PPP1R13B: variants seen among roughly 807,000 people sequenced by gnomAD.
PPP1R13B encodes apoptosis-stimulating of p53 protein 1.
PPP1R13B carries 44 observed loss-of-function variants against 119.8 expected under a neutral mutation model. The observed-to-expected ratio is 0.37, with a 90% CI of 0.29 to 0.47. The LOEUF (loss-of-function observed/expected upper bound fraction) is 0.47. PPP1R13B is among the 20% of genes least tolerant of loss of function. PPP1R13B has a pLI of 0.99. For missense variants in PPP1R13B, 1,227 were observed against 1,413.5 expected (o/e 0.87, Z 2.12); for synonymous variants, 542 against 561.5 (o/e 0.97, Z 0.49).
chr14:103,740,559 G>A lies in PPP1R13B; in HGVS notation c.1857C>T (p.Thr619=). 6.5e-7 allele frequency: 1 copy of A among 1,547,124 alleles called. No homozygotes were observed. The change falls in exon 12 of 17, where the codon ACC becomes ACT. Residue 619 remains threonine, a synonymous_variant. Coordinates refer to ENST00000202556, the MANE Select transcript of PPP1R13B (RefSeq NM_015316.3). The surrounding 1 kb of genome is among the most constrained non-coding windows in gnomAD (Gnocchi z 4.6). ...YGKPVLPSGS[T]SPSPLPFLHG... The stretch of plus-strand genomic sequence containing the variant: ...GAAGAAACGGCAGCGGCGATGGAGA[G>A]GTTGAACCCGAAGGTAAAACGGGCT...
chr14:103,767,079 T>C (rs1254778370), intron 4 of PPP1R13B, among the ~76,000 whole-genome samples: 1 of 152,104 alleles, frequency 6.6e-6, no homozygotes, highest in Non-Finnish European at 1.5e-5. Context: ...CCCGAAGGGC[T>C]TTGGAGTGGA....
At chr14:103,848,736 C>T (rs993393246), upstream of PPP1R13B, among the ~76,000 whole-genome samples, 1 of 152,180 alleles carries the variant, frequency 6.6e-6, no homozygotes, top group African/African-American at 2.4e-5. Context: ...AGGGAGGAGG[C>T]CAGGGAGCTC....
intron 8 of PPP1R13B, 91 bp from the exon 9 acceptor site, chr14:103,746,644 G>T: frequency 8.5e-7 from 1 of 1,182,870 alleles, no homozygotes; most frequent in Non-Finnish European, 1.1e-6. Context: ...CGGACAGAAA[G>T]CACTCACTCA....
Position 103,740,464 on chromosome 14 carries a change from T to G in PPP1R13B, c.1952A>C (p.Gln651Pro). ...PSESTEKEPE[Q>P]DGPAAPADGS... is the part of the protein sequence containing the mutation. The stretch of plus-strand genomic sequence containing the variant: ...ATCTGCGGGGGCGGCGGGGCCATCC[T>G]GCTCAGGCTCTTTCTCAGTACTTTC... The change falls in exon 12 of 17, where the codon CAG (glutamine) becomes CCG (proline). Residue 651 changes from glutamine to proline, a missense_variant. Gln to Pro is a moderately conservative substitution (Grantham distance 76). Coordinates refer to ENST00000202556, the MANE Select transcript of PPP1R13B (RefSeq NM_015316.3). This position sits in a 1 kb window ranked among gnomAD's most constrained non-coding sequence, Gnocchi z 4.6. 6.2e-7 allele frequency: 1 copy of G among 1,609,244 alleles called. No individual in the cohort carries two copies. Among genetic ancestry groups the G allele is most frequent in the Non-Finnish European group, 8.5e-7 (1 of 1,176,740 alleles).
intron 1 of PPP1R13B, among the ~76,000 whole-genome samples, chr14:103,798,152 C>CTGT: frequency 7.7e-6 from 1 of 129,178 alleles, no homozygotes; most frequent in African/African-American, 2.9e-5. Flanking sequence ...ATAATAATCT[C>CTGT]TTTTTTTTTT....
intron 4 of PPP1R13B, among the ~76,000 whole-genome samples, chr14:103,758,444 G>A (rs2084728361): frequency 6.6e-6 from 1 of 152,162 alleles, no homozygotes; most frequent in Non-Finnish European, 1.5e-5. Flanking sequence ...ACAAGCACAG[G>A]GCAGTCAGCT....
intron 4 of PPP1R13B, 104 bp downstream of exon 4, chr14:103,778,639 CAT>C (rs1417454123): frequency 2.4e-6 from 2 of 848,318 alleles, no homozygotes; most frequent in African/African-American, 3.4e-5. Flanking sequence ...CTCCTGCCCT[CAT>C]GTGATCCTCC....
intron 1 of PPP1R13B, among the ~76,000 whole-genome samples, chr14:103,801,020 C>A (rs2085888112): frequency 6.6e-6 from 1 of 151,970 alleles, no homozygotes; most frequent in Non-Finnish European, 1.5e-5. Flanking sequence ...CCAGCTAATT[C>A]TGTATTTTTA....
chr14:103,769,520 G>A (rs561070990), intron 4 of PPP1R13B, among the ~76,000 whole-genome samples: 6 of 152,126 alleles, frequency 3.9e-5, no homozygotes, highest in Non-Finnish European at 7.3e-5. Context: ...GATCACAGGC[G>A]TGAGCCACAA....
intron 1 of PPP1R13B, among the ~76,000 whole-genome samples, chr14:103,819,012 G>A (rs1461142371): frequency 6.6e-6 from 1 of 152,178 alleles, no homozygotes; most frequent in African/African-American, 2.4e-5. Context: ...GGGAACAAAA[G>A]CCTCACTGAA....
At chr14:103,751,740 C>A (rs2084553735) in intron 7 of PPP1R13B, among the ~76,000 whole-genome samples, 1 of 152,174 alleles carries the variant, frequency 6.6e-6, no homozygotes, top group Non-Finnish European at 1.5e-5. Flanking sequence ...AGGGAGTGAA[C>A]ATTCACTGGA....
chr14:103,778,257 ATCT>A (rs1260317403), intron 4 of PPP1R13B, among the ~76,000 whole-genome samples: 24 of 132,446 alleles, frequency 1.8e-4, no homozygotes, highest in African/African-American at 7.0e-4. Context: ...GCCTGGCCAC[ATCT>A]GACTTTTTTT....
chr14:103,757,844 G>A, intron 4 of PPP1R13B, 93 bp from the exon 5 acceptor site: 12 of 1,036,434 alleles, frequency 1.2e-5, no homozygotes, highest in Non-Finnish European at 1.8e-5. Context: ...ACTTTAGATA[G>A]GATCCCTAGT....
Position 103,736,145 on chromosome 14 carries a change from T to C in PPP1R13B, c.3089A>G (p.Tyr1030Cys), listed in dbSNP as rs199765894. 7.8e-5 allele frequency: 126 copies of C among 1,614,180 alleles called. No homozygotes were observed. The highest frequency in any genetic ancestry group is 8.9e-5 in the Non-Finnish European group (105 of 1,180,026). The change falls in exon 16 of 17, where the codon TAC becomes TGC. Residue 1030 changes from tyrosine to cysteine, a missense_variant. Coordinates refer to ENST00000202556, the MANE Select transcript of PPP1R13B (RefSeq NM_015316.3). Reference protein sequence around the residue: ...NKGVAYALWDYEAQNSDELSF... With the variant: ...NKGVAYALWDCEAQNSDELSF... ...CAGCTCGTCACTGTTCTGGGCCTCG[T>C]AGTCCCACAGAGCATACGCCACACC...
At chr14:103,846,659 C>T (rs951422380) in intron 1 of PPP1R13B, 3 of 446,072 alleles carry the variant, frequency 6.7e-6, no homozygotes, top group African/African-American at 4.0e-5. Flanking sequence ...AATCTAATGG[C>T]CAATGTCTTT....
At chr14:103,735,331 C>G in intron 16 of PPP1R13B, 136 bp from the exon 17 acceptor site, 1 of 796,644 alleles carries the variant, frequency 1.3e-6, no homozygotes, top group Admixed American at 1.9e-5. Context: ...CTACGCTCAG[C>G]TGCACCTCTA....
rs562550325 is a variant in PPP1R13B, at chr14:103,839,490, G to T, written c.9+7809C>A. Among the ~76,000 whole-genome samples, 13 of 152,078 alleles carry T rather than the reference G, an allele frequency of 8.5e-5. No homozygotes were observed. The South Asian group carries it at 1.7e-3, about 19-fold the overall frequency. Reference sequence around the variant, plus strand: ...TAAAAATACAAAATTAGCCGGGCGTGGTGGTGCATGCCTGTAATCCCAGCT... The same window carrying T: ...TAAAAATACAAAATTAGCCGGGCGTTGTGGTGCATGCCTGTAATCCCAGCT... On this transcript the variant is annotated intron_variant, in intron 1 of 16. Coordinates refer to ENST00000202556, the MANE Select transcript of PPP1R13B (RefSeq NM_015316.3).
intron 9 of PPP1R13B, 50 bp downstream of exon 9, chr14:103,746,323 C>T: frequency 3.5e-6 from 2 of 569,474 alleles, no homozygotes; most frequent in African/African-American, 2.1e-5. Context: ...CCGCAGGCCC[C>T]ATTCCCTGCT....
At chr14:103,822,917 C>T (rs556963616) in intron 1 of PPP1R13B, among the ~76,000 whole-genome samples, 5 of 152,288 alleles carry the variant, frequency 3.3e-5, no homozygotes, top group East Asian at 1.9e-4. Flanking sequence ...ATCATCCCCA[C>T]GTTACAGATG....
Sources: allele counts gnomAD v4.1 joint callset (sites outside exome capture counted in the v4.1 genomes callset), GRCh38; gene constraint gnomAD v4.1.1; non-coding constraint Gnocchi (gnomAD v3.1); transcripts MANE v1.5; gene names NCBI Gene and HGNC (gene_info 2026-07-23, HGNC 2026-07-21).